The following TM9SF2 variants were observed in gnomAD, a reference collection of about 807,000 sequenced individuals.
The protein encoded by TM9SF2 is 76 kDa membrane protein.
In TM9SF2, 13 loss-of-function variants were observed where a neutral mutation model predicts 84.9. The observed-to-expected ratio is 0.15, with a 90% CI of 0.10 to 0.24. The LOEUF is 0.24. TM9SF2 is among the 10% of genes least tolerant of loss of function. The pLI, the probability that TM9SF2 is intolerant of heterozygous loss-of-function variation, is 1.00. For missense variants in TM9SF2, 562 were observed against 818.5 expected, an observed-to-expected ratio of 0.69 and a Z score of 3.82; for synonymous variants, 273 against 285.8, an observed-to-expected ratio of 0.96 and a Z score of 0.45.
At chr13:99,522,757 A>G (rs76431017) in intron 3 of TM9SF2, among the ~76,000 whole-genome samples, 1 of 152,068 alleles carries the variant, frequency 6.6e-6, no homozygotes, top group Non-Finnish European at 1.5e-5. Flanking sequence ...ACTCAAACCC[A>G]TGGGGAGGTG....
At chr13:99,552,837 C>T (rs2046311437) in intron 13 of TM9SF2, among the ~76,000 whole-genome samples, 1 of 152,220 alleles carries the variant, frequency 6.6e-6, no homozygotes, top group Admixed American at 6.5e-5. Context: ...CTCCTGACCT[C>T]AGGTGATCCA....
rs747882772 is a variant in TM9SF2, at chr13:99,552,303, G to T, written c.1465G>T (p.Ala489Ser). ...CISVPLTFIG[A>S]YFGFKKNAIE... ...ATCTGTGCCTCTGACGTTTATTGGT[G>T]CATACTTTGGTTTTAAGAAGAATGT... Residue 489 changes from alanine (A) to serine (S), a missense_variant, in exon 13 of 17, where the codon GCA (alanine) becomes TCA (serine). This residue lies in a region of TM9SF2 where 219 missense variants were observed against 338.1 expected (regional missense o/e 0.65). Coordinates refer to ENST00000376387, the MANE Select transcript of TM9SF2 (RefSeq NM_004800.3). The T allele has an allele frequency of 1.2e-6, 2 of 1,613,368 alleles. No individual in the cohort carries two copies. Among genetic ancestry groups the T allele is most frequent in the African/African-American group, 1.3e-5 (1 of 74,980 alleles).
chr13:99,505,297 C>A (rs1233198772), intron 1 of TM9SF2, among the ~76,000 whole-genome samples: 1 of 151,870 alleles, frequency 6.6e-6, no homozygotes, highest in Non-Finnish European at 1.5e-5. Context: ...GGATTACAGG[C>A]GCCTGCCACC....
chr13:99,539,539 T>C lies in TM9SF2; in HGVS notation c.810T>C (p.Thr270=), dbSNP rs769235710. 5 of 1,607,688 alleles carry C rather than the reference T, an allele frequency of 3.1e-6. No individual in the cohort carries two copies. The Admixed American group carries it at 8.3e-5, about 27-fold the overall frequency. ...CTGGGGAGATAAAAATTGCCTATAC[T>C]TACTCTGTTAGCTTCGAGGTGAGTC... ...KASGEIKIAY[T]YSVSFEEDDK... The change falls in exon 7 of 17, where the codon ACT becomes ACC. Residue 270 remains threonine (T), a synonymous_variant. Coordinates refer to ENST00000376387, the MANE Select transcript of TM9SF2 (RefSeq NM_004800.3).
At chr13:99,560,220 C>T (rs748308395) in intron 16 of TM9SF2, among the ~76,000 whole-genome samples, 20 of 152,160 alleles carry the variant, frequency 1.3e-4, no homozygotes, top group Non-Finnish European at 1.8e-4. Flanking sequence ...GTTAGCTCCT[C>T]ACGCATGTCA....
At chr13:99,501,828 TC>T in intron 1 of TM9SF2, 51 bp downstream of exon 1, 1 of 1,560,048 alleles carries the variant, frequency 6.4e-7, no homozygotes, top group Non-Finnish European at 8.6e-7. Flanking sequence ...GGGGAAGTCG[TC>T]CCTATCCGGG....
chr13:99,562,025 A>C (rs916423327), intron 16 of TM9SF2, among the ~76,000 whole-genome samples: 1 of 152,328 alleles, frequency 6.6e-6, no homozygotes, highest in African/African-American at 2.4e-5. Flanking sequence ...ATAATAGTCT[A>C]TGGAGGCAAT....
At chr13:99,525,041 A>G (rs549091951) in intron 3 of TM9SF2, among the ~76,000 whole-genome samples, 14 of 152,252 alleles carry the variant, frequency 9.2e-5, no homozygotes, top group African/African-American at 2.4e-4. Flanking sequence ...AGATAAGGAC[A>G]GAGGATTGAC....
rs1040290071 is a variant in TM9SF2 at position 99,552,150 on chromosome 13, C to A, written c.1329-17C>A. On this transcript the variant is annotated splice_polypyrimidine_tract_variant and intron_variant, in intron 12 of 16. Transcript: ENST00000376387. ...TGTTATCTCTGGTTTTACCCAAAAG[C>A]CTGTTGTGTCTTTCAGGATTGTATT... 1.9e-6 allele frequency: 3 copies of A among 1,608,588 alleles called. No individual in the cohort carries two copies. Among genetic ancestry groups the A allele is most frequent in the African/African-American group, 1.3e-5 (1 of 74,642 alleles).
At chr13:99,553,766 T>A (rs754319653) in intron 13 of TM9SF2, among the ~76,000 whole-genome samples, 3 of 152,192 alleles carry the variant, frequency 2.0e-5, no homozygotes, top group Non-Finnish European at 1.5e-5. Context: ...CCATGTAGTG[T>A]GTCATGAAAG....
At chr13:99,516,665 C>G (rs2046135971) in intron 1 of TM9SF2, among the ~76,000 whole-genome samples, 1 of 152,194 alleles carries the variant, frequency 6.6e-6, no homozygotes, top group African/African-American at 2.4e-5. Context: ...GAAGTTGATA[C>G]AGCTTATCTC....
intron 3 of TM9SF2, among the ~76,000 whole-genome samples, chr13:99,527,322 T>C (rs1199188212): frequency 2.0e-5 from 3 of 152,162 alleles, no homozygotes; most frequent in Non-Finnish European, 1.5e-5. Context: ...AGTGGTTTAA[T>C]TGACTCACAG....
chr13:99,544,992 A>C (rs192085451), intron 10 of TM9SF2, among the ~76,000 whole-genome samples: 20 of 152,314 alleles, frequency 1.3e-4, no homozygotes, highest in African/African-American at 4.8e-4. Flanking sequence ...TGGAAGATAA[A>C]AAAGGTTTAT....
In TM9SF2 at chr13:99,506,809, C is replaced by T. The variant is rs566029051; in HGVS notation, c.171+5032C>T. On this transcript the variant is annotated intron_variant, in intron 1 of 16. Transcript: ENST00000376387. ...CTACAGAGATTGGTCTGTGCACTGTCAGCCTTAGAGCCCAGCTGCCCAAAC... is the reference window on the plus strand; with the variant it reads ...CTACAGAGATTGGTCTGTGCACTGTTAGCCTTAGAGCCCAGCTGCCCAAAC... Among the ~76,000 whole-genome samples the T allele has an allele frequency of 2.6e-5, 4 of 152,344 alleles. No individual in the cohort carries two copies. In the South Asian group the frequency reaches 8.3e-4, roughly 32 times the overall value.
chr13:99,542,834 G>A lies in TM9SF2; in HGVS notation c.1018-1029G>A, dbSNP rs535855176. 2.1e-3 allele frequency among the ~76,000 whole-genome samples: 322 copies of A among 152,264 alleles called. 1 individual carries two copies. The highest frequency in any genetic ancestry group is 6.8e-3 in the Middle Eastern group (2 of 294). On this transcript the variant is annotated intron_variant, in intron 9 of 16. Coordinates refer to ENST00000376387, the MANE Select transcript of TM9SF2 (RefSeq NM_004800.3). ...CGTTGCCATGTGGAACCAGGCCAGT[G>A]GTGACTCTGCTTCCACAACCCTGTC... is the stretch of plus-strand genomic sequence containing the variant.
chr13:99,546,584 C>T (rs1268348752), intron 10 of TM9SF2, among the ~76,000 whole-genome samples: 1 of 151,246 alleles, frequency 6.6e-6, no homozygotes, highest in African/African-American at 2.4e-5. Context: ...TTTTTTTACC[C>T]CCAGAGGACC....
chr13:99,516,911 T>TA (rs901342528), intron 1 of TM9SF2, among the ~76,000 whole-genome samples: 5 of 152,296 alleles, frequency 3.3e-5, no homozygotes, highest in African/African-American at 4.8e-5. Context: ...GTGAAAATGC[T>TA]AAAAAAATTT....
At chr13:99,502,162 G>C (rs1159805755) in intron 1 of TM9SF2, among the ~76,000 whole-genome samples, 3 of 152,230 alleles carry the variant, frequency 2.0e-5, no homozygotes, top group Non-Finnish European at 4.4e-5. Flanking sequence ...TAACATGTAC[G>C]CTGAGGAAGC....
intron 12 of TM9SF2, among the ~76,000 whole-genome samples, chr13:99,550,886 T>C (rs1409859635): frequency 6.6e-6 from 1 of 151,822 alleles, no homozygotes; most frequent in African/African-American, 2.4e-5. Flanking sequence ...TAAATCTCTT[T>C]CATGGCTTGT....
Sources: allele counts gnomAD v4.1 joint callset (sites outside exome capture counted in the v4.1 genomes callset), GRCh38; gene constraint gnomAD v4.1.1; regional missense constraint gnomAD v4.1.1; transcripts MANE v1.5; gene names NCBI Gene and HGNC (gene_info 2026-07-23, HGNC 2026-07-21).